Variants in FHIT observed in about 807,000 individuals in gnomAD.
The protein encoded by FHIT is bis(5'-adenosyl)-triphosphatase.
In FHIT, 19 loss-of-function variants were observed where a neutral mutation model predicts 17.9. The ratio of observed to expected loss-of-function variants is 1.06; its 90% CI spans 0.74 to 1.56. FHIT has a LOEUF of 1.56. Among genes scored for constraint, FHIT ranks in the 40% most tolerant of loss-of-function variants. FHIT has a pLI of 0.00. For synonymous variants in FHIT, 81 were observed against 69.7 expected (o/e 1.16, Z -0.81); for missense variants, 248 against 189.2 (o/e 1.31, Z -1.82).
intron 5 of FHIT, among the ~76,000 whole-genome samples, chr3:60,442,440 A>C (rs983192393): frequency 1.8e-4 from 27 of 152,034 alleles, no homozygotes; most frequent in Admixed American, 6.6e-4. Flanking sequence ...ATCTTGAATT[A>C]ATTTTTGTAT....
At chr3:60,367,513 C>A (rs937486173) in intron 5 of FHIT, among the ~76,000 whole-genome samples, 2 of 152,168 alleles carry the variant, frequency 1.3e-5, no homozygotes, top group African/African-American at 4.8e-5. Flanking sequence ...AAATCTCAAA[C>A]TAAACCCTCT....
chr3:60,481,575 A>G (rs1377106151), intron 5 of FHIT, among the ~76,000 whole-genome samples: 1 of 152,194 alleles, frequency 6.6e-6, no homozygotes, highest in Non-Finnish European at 1.5e-5. Flanking sequence ...CAGCCAAACT[A>G]AACTTCATAA....
intron 5 of FHIT, among the ~76,000 whole-genome samples, chr3:60,074,473 C>A (rs906398869): frequency 1.3e-5 from 2 of 151,940 alleles, no homozygotes; most frequent in African/African-American, 4.8e-5. Context: ...TATCCCTAGA[C>A]AGACACAAAT....
chr3:59,857,316 T>C (rs779058948), intron 8 of FHIT, among the ~76,000 whole-genome samples: 5 of 152,188 alleles, frequency 3.3e-5, no homozygotes, highest in African/African-American at 4.8e-5. Flanking sequence ...AGATCAGATA[T>C]GTCACCGCAA....
At chr3:60,932,004 T>C (rs1553771919) in intron 3 of FHIT, among the ~76,000 whole-genome samples, 1 of 152,162 alleles carries the variant, frequency 6.6e-6, no homozygotes, top group East Asian at 1.9e-4. Flanking sequence ...GTAGAGAACT[T>C]TTCAAGTCTA....
chr3:61,246,987 A>G (rs2040502451), intron 1 of FHIT, among the ~76,000 whole-genome samples: 1 of 151,926 alleles, frequency 6.6e-6, no homozygotes, highest in African/African-American at 2.4e-5. Flanking sequence ...CTTTCTGCTC[A>G]TCAAATCCCA....
chr3:60,677,078 T>C (rs1276215812), intron 4 of FHIT, among the ~76,000 whole-genome samples: 1 of 152,140 alleles, frequency 6.6e-6, no homozygotes, highest in Non-Finnish European at 1.5e-5. Flanking sequence ...TGTTTTGCCA[T>C]GTTGCCCAGG....
intron 3 of FHIT, among the ~76,000 whole-genome samples, chr3:61,034,086 C>T (rs987687203): frequency 1.3e-5 from 2 of 152,122 alleles, no homozygotes; most frequent in Admixed American, 6.5e-5. Context: ...AAGCTGGACC[C>T]CTTCCTCACA....
intron 5 of FHIT, among the ~76,000 whole-genome samples, chr3:60,200,708 G>A (rs1208852092): frequency 1.3e-5 from 2 of 151,576 alleles, no homozygotes; most frequent in African/African-American, 4.8e-5. Context: ...TTTTAATTAG[G>A]TTCCAAAAAT....
chr3:60,942,658 C>T (rs1223313160), intron 3 of FHIT, among the ~76,000 whole-genome samples: 2 of 151,716 alleles, frequency 1.3e-5, no homozygotes, highest in African/African-American at 4.8e-5. Context: ...TCATTTTTTG[C>T]TCGGTTGATC....
intron 4 of FHIT, among the ~76,000 whole-genome samples, chr3:60,715,441 TA>T (rs1405205390): frequency 2.0e-5 from 3 of 151,736 alleles, no homozygotes; most frequent in Non-Finnish European, 2.9e-5. Flanking sequence ...CATGCAGCCG[TA>T]AAAAAATGAT....
At chr3:60,157,218 G>A (rs1206262763) in intron 5 of FHIT, among the ~76,000 whole-genome samples, 1 of 152,114 alleles carries the variant, frequency 6.6e-6, no homozygotes, top group Non-Finnish European at 1.5e-5. Flanking sequence ...ATGCAAAAGG[G>A]CCTGAAAGCA....
chr3:60,426,911 T>A (rs1702689688), intron 5 of FHIT, among the ~76,000 whole-genome samples: 1 of 152,132 alleles, frequency 6.6e-6, no homozygotes, highest in Non-Finnish European at 1.5e-5. Context: ...ATATAATTCC[T>A]CCCTCTTAAG....
chr3:60,063,979 C>T (rs970096371), intron 5 of FHIT, among the ~76,000 whole-genome samples: 4 of 152,054 alleles, frequency 2.6e-5, no homozygotes, highest in African/African-American at 7.2e-5. Flanking sequence ...ATATAATATG[C>T]CATTTAAGTA....
At chr3:60,879,119 G>C (rs1455161009) in intron 3 of FHIT, among the ~76,000 whole-genome samples, 1 of 152,188 alleles carries the variant, frequency 6.6e-6, no homozygotes, top group Non-Finnish European at 1.5e-5. Context: ...GTGTAAAAGT[G>C]TTCCTATTTC....
intron 3 of FHIT, among the ~76,000 whole-genome samples, chr3:60,830,597 A>T (rs1199080388): frequency 6.6e-6 from 1 of 152,228 alleles, no homozygotes; most frequent in Non-Finnish European, 1.5e-5. Context: ...CAAAATGGAA[A>T]TATATTTGTA....
intron 2 of FHIT, among the ~76,000 whole-genome samples, chr3:61,068,050 A>T (rs2034672609): frequency 6.6e-6 from 1 of 152,212 alleles, no homozygotes; most frequent in African/African-American, 2.4e-5. Flanking sequence ...GTTTCTGATT[A>T]AGTAAGTGTA....
At chr3:60,892,335 T>C (rs1705559676) in intron 3 of FHIT, among the ~76,000 whole-genome samples, 1 of 152,158 alleles carries the variant, frequency 6.6e-6, no homozygotes, top group African/African-American at 2.4e-5. Context: ...CTCTCAGCTT[T>C]AACACTGACA....
intron 4 of FHIT, among the ~76,000 whole-genome samples, chr3:60,668,919 G>A (rs1025069149): frequency 3.9e-5 from 6 of 152,088 alleles, no homozygotes; most frequent in Admixed American, 3.3e-4. Context: ...ACCAGAGTTG[G>A]TAGTTGTTCT....
Sources: gnomAD v4.1 joint callset for allele counts (sites outside exome capture counted in the v4.1 genomes callset) on GRCh38, gnomAD v4.1.1 for gene constraint, MANE v1.5 for transcripts, NCBI Gene and HGNC (gene_info 2026-07-23, HGNC 2026-07-21) for gene names.